The following MIA3 variants were observed in gnomAD, a reference collection of about 807,000 sequenced individuals.
MIA3 encodes the protein transport and Golgi organization protein 1 homolog.
In MIA3, 90 loss-of-function variants were observed where a neutral mutation model predicts 192.4. The ratio of observed to expected loss-of-function variants is 0.47; its 90% CI spans 0.39 to 0.56. The LOEUF is 0.56. Among genes scored for constraint, MIA3 ranks in the 20% least tolerant of loss-of-function variants. The probability of loss-of-function intolerance (pLI) is 0.00; values close to 1 mark genes in which losing one functional copy is unlikely to be tolerated. For synonymous variants in MIA3, 740 were observed against 792.8 expected, an observed-to-expected ratio of 0.93 and a Z score of 1.12; for missense variants, 2,123 against 2,269.4, an observed-to-expected ratio of 0.94 and a Z score of 1.31.
chr1:222,653,147 AT>A lies in MIA3; in HGVS notation c.4209+18del, dbSNP rs1663531017. 6.3e-7 allele frequency: 1 copy of A among 1,599,094 alleles called. No individual in the cohort carries two copies. The highest frequency in any genetic ancestry group is 8.6e-7 in the Non-Finnish European group (1 of 1,168,052). On this transcript the variant is annotated intron_variant, in intron 14 of 27. Coordinates refer to ENST00000344922, the MANE Select transcript of MIA3 (RefSeq NM_198551.4). ...AATATTAATGTAAGTGCGTTCATGA[AT>A]ACAAGCTTAATTCTTGTGAATTATC...
At chr1:222,621,782 T>C (rs144861982) in intron 2 of MIA3, among the ~76,000 whole-genome samples, 94 of 151,928 alleles carry the variant, frequency 6.2e-4, no homozygotes, top group African/African-American at 2.2e-3. Flanking sequence ...AAAAGCAAAA[T>C]GTTGTTTCTC....
At position 222,664,127 on chromosome 1, in the gene MIA3, C is replaced by T. The variant is rs371775418; in HGVS notation, c.5392C>T (p.Arg1798Trp). ...PPQLCGPFGPRPLPPPFGPGM... is the reference protein window; with the variant it reads ...PPQLCGPFGPWPLPPPFGPGM... ...TCAGCTCTGCGGACCTTTTGGGCCTCGGCCACTTCCTCCACCCTTTGGTAA... is the reference window on the plus strand; with the variant it reads ...TCAGCTCTGCGGACCTTTTGGGCCTTGGCCACTTCCTCCACCCTTTGGTAA... The change falls in exon 27 of 28, where the codon CGG becomes TGG. Residue 1798 changes from arginine to tryptophan, a missense_variant. By Grantham distance (101) the Arg-to-Trp change is moderately radical. Around this residue, in one of 3 missense-constraint regions of MIA3, gnomAD observed 762 missense variants for 856.4 expected, o/e 0.89. Transcript: ENST00000344922. The T allele has an allele frequency of 1.5e-5, 25 of 1,614,016 alleles. No homozygotes were observed. The African/African-American group carries it at 1.6e-4, about 10-fold the overall frequency.
At chr1:222,642,350 C>A (rs998955564) in intron 6 of MIA3, among the ~76,000 whole-genome samples, 1 of 152,060 alleles carries the variant, frequency 6.6e-6, no homozygotes, top group Non-Finnish European at 1.5e-5. Context: ...CTTTTCTCTA[C>A]CTTTTAAAAA....
rs1663570415 is a variant in MIA3, at chr1:222,653,902, AG to A, written c.4322-340del. Reference sequence around the variant, plus strand: ...CTCTCAAGTTGGATATTGCTTGTGTAGTGGGTGTTTTAAACCACACCTGGTA... The same window carrying A: ...CTCTCAAGTTGGATATTGCTTGTGTATGGGTGTTTTAAACCACACCTGGTA... On this transcript the variant is annotated intron_variant, in intron 15 of 27. Transcript: ENST00000344922. Among the ~76,000 whole-genome samples the A allele has an allele frequency of 2.0e-5, 3 of 152,340 alleles. No individual in the cohort carries two copies. In the South Asian group the frequency reaches 6.2e-4, roughly 32 times the overall value.
chr1:222,626,580 G>A (rs954015879), intron 3 of MIA3, among the ~76,000 whole-genome samples: 1 of 152,160 alleles, frequency 6.6e-6, no homozygotes, highest in Non-Finnish European at 1.5e-5. Flanking sequence ...ACTGGTGGAG[G>A]AAGGGAAAAA....
At position 222,628,743 on chromosome 1, in the gene MIA3, C is replaced by A. The variant is rs745464243; in HGVS notation, c.1523C>A (p.Pro508Gln). The change falls in exon 4 of 28, where the codon CCA becomes CAA. Residue 508 changes from proline (P) to glutamine (Q), a missense_variant. Transcript: ENST00000344922. ...CACAGCAATAACCTCAACTCTATGC[C>A]AGCTGCTGAAAAGGGTAAAGACACA... ...SVHSNNLNSM[P>Q]AAEKGKDTLK... is the part of the protein sequence containing the mutation. The A allele has an allele frequency of 6.2e-7, 1 of 1,614,084 alleles. No individual in the cohort carries two copies. Among genetic ancestry groups the A allele is most frequent in the South Asian group, 1.1e-5 (1 of 91,082 alleles).
Position 222,659,246 on chromosome 1 carries a change from ACT to A in MIA3, c.4710-205_4710-204del. ...CAGTTAAAGGAATTGTAATATATCA[ACT>A]CAATCTCCAGCTGTTAAAGGAAATT... On this transcript the variant is annotated intron_variant, in intron 19 of 27. Coordinates refer to ENST00000344922, the MANE Select transcript of MIA3 (RefSeq NM_198551.4). The A allele has an allele frequency of 5.3e-6, 3 of 568,060 alleles. No individual in the cohort carries two copies. In the South Asian group the frequency reaches 7.1e-5, roughly 13 times the overall value. 35.2% of individuals were successfully genotyped at this position (568,060 alleles called of 1,614,324 possible). A position where few individuals can be genotyped will look rare whatever the true frequency, so the allele number is the denominator to read the frequency against.
chr1:222,654,671 G>A lies in MIA3; in HGVS notation c.4485G>A (p.Leu1495=). Residue 1495 remains leucine (L), a synonymous_variant, in exon 18 of 28, where the codon TTG becomes TTA. Transcript: ENST00000344922. ...CCTTTACAGACCAGGTAAAGAAATT[G>A]GAAGATGACCGCAACTCACTACAAG... ...KCNLEDQVKK[L]EDDRNSLQAA... The A allele has an allele frequency of 6.2e-7, 1 of 1,614,044 alleles. No individual in the cohort carries two copies. Among genetic ancestry groups the A allele is most frequent in the Non-Finnish European group, 8.5e-7 (1 of 1,179,990 alleles).
chr1:222,662,395 CTCTT>C (rs1664062831), intron 26 of MIA3, 63 bp downstream of exon 26: 3 of 1,585,320 alleles, frequency 1.9e-6, no homozygotes, highest in Non-Finnish European at 1.7e-6. Context: ...CTACAACTCT[CTCTT>C]TGCCTCATCT....
At chr1:222,647,463 C>CATAATATATATTAATAT (rs1234930385) in intron 7 of MIA3, among the ~76,000 whole-genome samples, 1 of 152,148 alleles carries the variant, frequency 6.6e-6, no homozygotes, top group Non-Finnish European at 1.5e-5. Context: ...TCACATATAT[C>CATAATATATATTAATAT]ATCATTAATA....
intron 26 of MIA3, among the ~76,000 whole-genome samples, chr1:222,662,727 T>TC (rs1181732651): frequency 2.0e-5 from 3 of 152,226 alleles, no homozygotes; most frequent in Non-Finnish European, 4.4e-5. Flanking sequence ...AAGTGAAAAG[T>TC]CCCCACTCTT....
At chr1:222,660,519 T>A in intron 24 of MIA3, 1 of 430,980 alleles carries the variant, frequency 2.3e-6, no homozygotes, top group East Asian at 4.1e-5. Flanking sequence ...TCCTTTATTG[T>A]TTTGTTTCTC....
intron 26 of MIA3, chr1:222,663,152 C>T (rs1664108558): frequency 6.6e-6 from 1 of 152,162 alleles, no homozygotes; most frequent in South Asian, 2.1e-4. Flanking sequence ...TCATAGTAGA[C>T]AGTATTACTA....
intron 6 of MIA3, 104 bp downstream of exon 6, chr1:222,633,353 A>ACTC (rs1466748911): frequency 8.4e-6 from 8 of 956,316 alleles, no homozygotes; most frequent in Non-Finnish European, 1.2e-5. Flanking sequence ...TATGAACCTG[A>ACTC]CTCCTGATCC....
chr1:222,620,921 A>G (rs1661824492), intron 1 of MIA3, among the ~76,000 whole-genome samples: 1 of 152,256 alleles, frequency 6.6e-6, no homozygotes, highest in South Asian at 2.1e-4. Context: ...AGTATTATCC[A>G]TAGAGAAAAA....
At chr1:222,664,940 TC>T in intron 27 of MIA3, 1 of 469,526 alleles carries the variant, frequency 2.1e-6, no homozygotes, top group Non-Finnish European at 4.4e-6. Flanking sequence ...ACTTTATGAA[TC>T]CCAGCATTCA....
chr1:222,650,537 G>A (rs2124903084), intron 9 of MIA3, 97 bp from the exon 10 acceptor site: 4 of 931,136 alleles, frequency 4.3e-6, no homozygotes, highest in East Asian at 2.4e-5. Flanking sequence ...TATGTGTAAA[G>A]TACTGTTTTC....
At chr1:222,644,569 A>G (rs567908936) in intron 6 of MIA3, 1 of 1,550,622 alleles carries the variant, frequency 6.4e-7, no homozygotes, top group East Asian at 2.4e-5. Context: ...CGCAGCCTTC[A>G]TAGCCAAGCT....
chr1:222,650,163 C>A (rs1434284854), intron 8 of MIA3, 129 bp from the exon 9 acceptor site: 5 of 696,206 alleles, frequency 7.2e-6, no homozygotes, highest in Non-Finnish European at 1.3e-5. Context: ...CTTTTTAAAA[C>A]CATAATAGTT....
Sources: gnomAD v4.1 joint callset for allele counts (sites outside exome capture counted in the v4.1 genomes callset) on GRCh38, gnomAD v4.1.1 for gene constraint, gnomAD v4.1.1 regional missense constraint, MANE v1.5 for transcripts, NCBI Gene and HGNC (gene_info 2026-07-23, HGNC 2026-07-21) for gene names.